Variants in MBD5 observed in about 807,000 individuals in gnomAD.
The protein encoded by MBD5 is methyl-CpG binding domain protein 5.
MBD5 carries 13 observed loss-of-function variants against 117.3 expected under a neutral mutation model. The observed-to-expected ratio is 0.11, with a 90% confidence interval of 0.07 to 0.18. MBD5 has a LOEUF of 0.18. Among genes scored for constraint, MBD5 ranks in the 10% least tolerant of loss-of-function variants. The probability of loss-of-function intolerance (pLI) is 1.00; values close to 1 mark genes in which losing one functional copy is unlikely to be tolerated. For missense variants in MBD5, 1,879 were observed against 2,093.8 expected, an observed-to-expected ratio of 0.90 and a Z score of 2.00; for synonymous variants, 727 against 766.4, an observed-to-expected ratio of 0.95 and a Z score of 0.85.
intron 3 of MBD5, among the ~76,000 whole-genome samples, chr2:148,234,897 A>G (rs1336242303): frequency 6.6e-6 from 1 of 152,138 alleles, no homozygotes; most frequent in East Asian, 1.9e-4. Flanking sequence ...ATTTTTAAAA[A>G]CTACTAAAAA....
chr2:148,382,800 C>G (rs1474531443), intron 4 of MBD5, among the ~76,000 whole-genome samples: 2 of 152,122 alleles, frequency 1.3e-5, no homozygotes, highest in Admixed American at 6.5e-5. Flanking sequence ...GATTAAGAAA[C>G]TCACTCAAAA....
intron 3 of MBD5, among the ~76,000 whole-genome samples, chr2:148,334,117 G>A (rs1175904258): frequency 6.6e-6 from 1 of 151,764 alleles, no homozygotes; most frequent in Non-Finnish European, 1.5e-5. Flanking sequence ...TTTGTTCATA[G>A]TCTCATCTTT....
intron 1 of MBD5, among the ~76,000 whole-genome samples, chr2:148,084,258 T>A (rs963493801): frequency 6.6e-6 from 1 of 152,216 alleles, no homozygotes; most frequent in Non-Finnish European, 1.5e-5. Flanking sequence ...CCTTGTGACA[T>A]GTCTAGTTAG....
At chr2:148,292,624 G>A (rs190834533) in intron 3 of MBD5, among the ~76,000 whole-genome samples, 137 of 152,266 alleles carry the variant, frequency 9.0e-4, no homozygotes, top group African/African-American at 3.1e-3. Context: ...TGGTGGGAGT[G>A]CAAGTTAGTA....
chr2:148,334,649 A>G (rs577740782), intron 3 of MBD5, among the ~76,000 whole-genome samples: 1 of 152,268 alleles, frequency 6.6e-6, no homozygotes, highest in East Asian at 1.9e-4. Flanking sequence ...TTGCTTTTTA[A>G]TAAAATACTT....
intron 3 of MBD5, among the ~76,000 whole-genome samples, chr2:148,291,917 A>G (rs142856610): frequency 5.4e-4 from 82 of 152,294 alleles, no homozygotes; most frequent in African/African-American, 1.9e-3. Context: ...ATCCATACAC[A>G]TACAGTGAAC....
intron 3 of MBD5, among the ~76,000 whole-genome samples, chr2:148,255,518 A>G (rs1199664499): frequency 6.6e-6 from 1 of 152,190 alleles, no homozygotes; most frequent in Non-Finnish European, 1.5e-5. Context: ...TGGAGGGTCC[A>G]TGGCCACAAC....
intron 1 of MBD5, among the ~76,000 whole-genome samples, chr2:148,051,248 C>T (rs920266221): frequency 6.6e-6 from 1 of 152,078 alleles, no homozygotes; most frequent in African/African-American, 2.4e-5. Flanking sequence ...AGAAATACAA[C>T]TGCTTTTTGC....
At chr2:148,329,329 A>G (rs949642497) in intron 3 of MBD5, among the ~76,000 whole-genome samples, 1 of 152,240 alleles carries the variant, frequency 6.6e-6, no homozygotes, top group African/African-American at 2.4e-5. Context: ...GATAATTTTA[A>G]GAAAACAAAT....
At chr2:148,442,987 A>T (rs1051503494) in intron 4 of MBD5, among the ~76,000 whole-genome samples, 1 of 151,440 alleles carries the variant, frequency 6.6e-6, no homozygotes, top group Non-Finnish European at 1.5e-5. Context: ...ATATTTACAA[A>T]CTACCTATCT....
intron 2 of MBD5, among the ~76,000 whole-genome samples, chr2:148,221,030 T>C (rs1325962540): frequency 2.0e-5 from 3 of 152,146 alleles, no homozygotes; most frequent in Non-Finnish European, 4.4e-5. Flanking sequence ...AGTGAAAACA[T>C]GCTTTGTCTT....
At chr2:148,348,230 T>C (rs187640758) in intron 4 of MBD5, among the ~76,000 whole-genome samples, 227 of 152,038 alleles carry the variant, frequency 1.5e-3, no homozygotes, top group African/African-American at 5.1e-3. Flanking sequence ...CCATACCTTT[T>C]TGCACACAAC....
At chr2:148,085,636 A>G (rs1054092203) in intron 1 of MBD5, among the ~76,000 whole-genome samples, 30 of 150,822 alleles carry the variant, frequency 2.0e-4, no homozygotes, top group African/African-American at 7.3e-4. Flanking sequence ...AGGCAGGAGA[A>G]TGGCATGAAC....
In MBD5 at chr2:148,489,371, G is replaced by T; in HGVS notation, c.3754-15G>T. On this transcript the variant is annotated splice_polypyrimidine_tract_variant and intron_variant, in intron 10 of 13. Transcript: ENST00000642680. ...ATTTCCCTTTCTCTCACTGCTTCCTGTCTATTTCTTCAAGGTGAGAATGCA... is the reference window on the plus strand; with the variant it reads ...ATTTCCCTTTCTCTCACTGCTTCCTTTCTATTTCTTCAAGGTGAGAATGCA... 2.5e-6 allele frequency: 4 copies of T among 1,613,780 alleles called. No homozygotes were observed. The highest frequency in any genetic ancestry group is 3.4e-6 in the Non-Finnish European group (4 of 1,179,972).
intron 11 of MBD5, among the ~76,000 whole-genome samples, chr2:148,498,865 T>A (rs1299095415): frequency 6.6e-6 from 1 of 152,222 alleles, no homozygotes; most frequent in Non-Finnish European, 1.5e-5. Flanking sequence ...TCAGAAAAAC[T>A]CTTAATCATC....
At chr2:148,144,724 T>G (rs1240079602) in intron 1 of MBD5, among the ~76,000 whole-genome samples, 3 of 152,212 alleles carry the variant, frequency 2.0e-5, no homozygotes, top group Non-Finnish European at 2.9e-5. Context: ...CCATTTCTTG[T>G]TTTCGTCAGG....
At chr2:148,272,019 T>A (rs78511907) in intron 3 of MBD5, among the ~76,000 whole-genome samples, 1 of 152,148 alleles carries the variant, frequency 6.6e-6, no homozygotes, top group African/African-American at 2.4e-5. Context: ...AGATTCCACA[T>A]GTAAATAAGA....
intron 2 of MBD5, among the ~76,000 whole-genome samples, chr2:148,224,172 GA>G (rs1699759091): frequency 6.6e-6 from 1 of 151,944 alleles, no homozygotes; most frequent in Non-Finnish European, 1.5e-5. Context: ...ATGTGCTGAG[GA>G]AAAAAATGTG....
intron 4 of MBD5, among the ~76,000 whole-genome samples, chr2:148,361,074 G>C (rs989517707): frequency 2.6e-5 from 4 of 152,130 alleles, no homozygotes; most frequent in African/African-American, 9.7e-5. Context: ...GGGGCCAGGC[G>C]TGGTGGCTCA....
Sources: gnomAD v4.1 joint callset for allele counts (sites outside exome capture counted in the v4.1 genomes callset) on GRCh38, gnomAD v4.1.1 for gene constraint, MANE v1.5 for transcripts, NCBI Gene and HGNC (gene_info 2026-07-23, HGNC 2026-07-21) for gene names.